The following ZSWIM4 variants were observed in gnomAD, a reference collection of about 807,000 sequenced individuals.
The protein encoded by ZSWIM4 is zinc finger SWIM-type containing 4, also known as zinc finger SWIM domain-containing protein 4.
In ZSWIM4, 62 loss-of-function variants were observed where a neutral mutation model predicts 102.5. The observed-to-expected ratio is 0.60, with a 90% CI of 0.49 to 0.75. ZSWIM4 has a LOEUF of 0.75. ZSWIM4 is among the 30% of genes least tolerant of loss of function. The pLI is 0.00. For missense variants in ZSWIM4, 1,280 were observed against 1,529.6 expected (o/e 0.84, Z 2.72); for synonymous variants, 652 against 674.5 (o/e 0.97, Z 0.52).
rs180750450 is a variant in ZSWIM4, at chr19:13,804,007, G to A, written c.356-785G>A. 4.5e-3 allele frequency among the ~76,000 whole-genome samples: 664 copies of A among 149,168 alleles called. 8 individuals carry two copies. Among genetic ancestry groups the A allele is most frequent in the African/African-American group, 0.016 (636 of 40,852 alleles). On this transcript the variant is annotated intron_variant, in intron 2 of 13. Coordinates refer to ENST00000590508, the MANE Select transcript of ZSWIM4 (RefSeq NM_001367834.3). ...CTCCTGAGTAGCTGGGATTACAGGC[G>A]CCCGCCACCATGCCCGGCTAATTTT... is the stretch of plus-strand genomic sequence containing the variant.
chr19:13,817,841 G>T lies in ZSWIM4; in HGVS notation c.1789G>T (p.Ala597Ser), dbSNP rs760685443. ...VALLGLGQQR[A>S]LPEGLYAQDK... The stretch of plus-strand genomic sequence containing the variant: ...ACTGCTGGGGCTGGGGCAGCAGCGG[G>T]CCCTGCCGGAGGGGCTGTACGCCCA... The change falls in exon 9 of 14, where the codon GCC (alanine) becomes TCC (serine). Residue 597 changes from alanine (A) to serine (S), a missense_variant. Ala to Ser is a moderately conservative substitution (Grantham distance 99). Coordinates refer to ENST00000590508, the MANE Select transcript of ZSWIM4 (RefSeq NM_001367834.3). 1.3e-5 allele frequency: 21 copies of T among 1,565,352 alleles called. No homozygotes were observed. Among genetic ancestry groups the T allele is most frequent in the Non-Finnish European group, 1.6e-5 (19 of 1,155,180 alleles).
At position 13,830,626 on chromosome 19, in the gene ZSWIM4, G is replaced by A. The variant is rs1333151218; in HGVS notation, c.2897G>A (p.Trp966Ter). Residue 966 changes from tryptophan (W) to a stop codon, truncating the protein, a stop_gained, in exon 14 of 14, where the codon TGG becomes TAG. Coordinates refer to ENST00000590508, the MANE Select transcript of ZSWIM4 (RefSeq NM_001367834.3). LOFTEE classifies it high-confidence loss of function. ...DSHPAVNDVL[W>*]ACSLSHSLGR... ...CACCCTGCCGTCAACGACGTGCTTT[G>A]GGCCTGCTCTCTCAGCCACTCCCTG... is the stretch of plus-strand genomic sequence containing the variant. 1 of 1,600,636 alleles carries A rather than the reference G, an allele frequency of 6.2e-7. No homozygotes were observed. Among genetic ancestry groups the A allele is most frequent in the Non-Finnish European group, 8.5e-7 (1 of 1,179,792 alleles).
chr19:13,814,954 C>A (rs1444766301), intron 7 of ZSWIM4, 89 bp downstream of exon 7: 4 of 752,846 alleles, frequency 5.3e-6, no homozygotes, highest in East Asian at 8.9e-5. Flanking sequence ...GCCAGGAGTT[C>A]AACATCAGCC....
chr19:13,818,046 G>A (rs533469504), intron 9 of ZSWIM4, 70 bp downstream of exon 9: 4 of 1,424,378 alleles, frequency 2.8e-6, no homozygotes, highest in East Asian at 2.6e-5. Context: ...GTAGCGGCCC[G>A]GTTGCTGCCA....
intron 2 of ZSWIM4, among the ~76,000 whole-genome samples, chr19:13,802,289 T>A (rs1974793864): frequency 6.7e-6 from 1 of 150,172 alleles, no homozygotes; most frequent in Non-Finnish European, 1.5e-5. Flanking sequence ...TTTTTTTTTT[T>A]AAGAGATAGA....
chr19:13,814,922 C>T lies in ZSWIM4; in HGVS notation c.1531+57C>T, dbSNP rs139868291. 1.4e-3 allele frequency: 1,472 copies of T among 1,073,144 alleles called. 18 individuals carry two copies. In the African/African-American group the frequency reaches 0.023, roughly 17 times the overall value. 66.5% of individuals were successfully genotyped at this position (1,073,144 alleles called of 1,614,324 possible). A position where few individuals can be genotyped will look rare whatever the true frequency, so the allele number is the denominator to read the frequency against. On this transcript the variant is annotated intron_variant, in intron 7 of 13. Transcript: ENST00000590508. ...CTGTGATCCCAGCACATTGGGAGTC[C>T]GAGGTGGGAGGATTGCTTGAGGCCA...
intron 6 of ZSWIM4, among the ~76,000 whole-genome samples, chr19:13,813,695 C>A (rs977094851): frequency 2.3e-4 from 35 of 151,786 alleles, no homozygotes; most frequent in African/African-American, 8.2e-4. Flanking sequence ...CTGAGGGGGG[C>A]AGATTGCTTG....
At chr19:13,798,095 G>C (rs1264980478) in intron 1 of ZSWIM4, among the ~76,000 whole-genome samples, 1 of 152,226 alleles carries the variant, frequency 6.6e-6, no homozygotes, top group African/African-American at 2.4e-5. Flanking sequence ...CATACATAAA[G>C]TGTTCAGCAT....
rs149880088 is a variant in ZSWIM4, at chr19:13,818,294, C to T, written c.1924+318C>T. 2.0e-4 allele frequency among the ~76,000 whole-genome samples: 30 copies of T among 152,308 alleles called. No individual in the cohort carries two copies. The East Asian group carries it at 5.2e-3, about 27-fold the overall frequency. ...CCCACCTTCATCCGCAACTTAGACA[C>T]CGCCCCTGTCCCGGCCTGCTCCTCA... On this transcript the variant is annotated intron_variant, in intron 9 of 13. Coordinates refer to ENST00000590508, the MANE Select transcript of ZSWIM4 (RefSeq NM_001367834.3).
intron 10 of ZSWIM4, 125 bp from the exon 11 acceptor site, chr19:13,823,221 C>A: frequency 1.1e-6 from 1 of 904,822 alleles, no homozygotes; most frequent in Non-Finnish European, 1.7e-6. Flanking sequence ...CATCTTCCAT[C>A]ATCTTGGGCT....
Position 13,799,766 on chromosome 19 carries a change from T to C in ZSWIM4, c.200T>C (p.Ile67Thr). The change falls in exon 2 of 14, where the codon ATC (isoleucine) becomes ACC (threonine). Residue 67 changes from isoleucine to threonine, a missense_variant. By Grantham distance (89) the Ile-to-Thr change is moderately conservative. Coordinates refer to ENST00000590508, the MANE Select transcript of ZSWIM4 (RefSeq NM_001367834.3). ...GTGCCTGAGCCCGTCCAGAAGCGCATCGTGTTTTGGTCGTTTCCACGCAGT... is the reference window on the plus strand; with the variant it reads ...GTGCCTGAGCCCGTCCAGAAGCGCACCGTGTTTTGGTCGTTTCCACGCAGT... Reference protein sequence around the residue: ...SRVPEPVQKRIVFWSFPRSER... With the variant: ...SRVPEPVQKRTVFWSFPRSER... The C allele has an allele frequency of 6.2e-7, 1 of 1,613,996 alleles. No homozygotes were observed. Among genetic ancestry groups the C allele is most frequent in the South Asian group, 1.1e-5 (1 of 91,086 alleles).
intron 6 of ZSWIM4, 49 bp from the exon 7 acceptor site, chr19:13,814,466 T>G: frequency 9.4e-7 from 1 of 1,060,218 alleles, no homozygotes; most frequent in Non-Finnish European, 1.2e-6. Context: ...ACGGCTCAAC[T>G]GCTATAGGGA....
intron 5 of ZSWIM4, among the ~76,000 whole-genome samples, chr19:13,811,115 G>C (rs1246494567): frequency 6.6e-6 from 1 of 151,426 alleles, no homozygotes; most frequent in African/African-American, 2.4e-5. Flanking sequence ...GGGTTTCACC[G>C]TGTTAGCCAG....
chr19:13,811,415 A>G (rs918609617), intron 5 of ZSWIM4, among the ~76,000 whole-genome samples: 2 of 151,138 alleles, frequency 1.3e-5, no homozygotes, highest in Non-Finnish European at 3.0e-5. Context: ...CTGTAATCCC[A>G]GCACTTTGCG....
Position 13,825,404 on chromosome 19 carries a change from T to G in ZSWIM4, c.2216-146T>G. 2 of 991,766 alleles carry G rather than the reference T, an allele frequency of 2.0e-6. No homozygotes were observed. Among genetic ancestry groups the G allele is most frequent in the Non-Finnish European group, 1.5e-6 (1 of 678,064 alleles). The allele number at this position is 991,766 out of a possible 1,614,324, so 61.4% of individuals were successfully genotyped here. A position where few individuals can be genotyped will look rare whatever the true frequency, so the allele number is the denominator to read the frequency against. On this transcript the variant is annotated intron_variant, in intron 11 of 13. Coordinates refer to ENST00000590508, the MANE Select transcript of ZSWIM4 (RefSeq NM_001367834.3). The surrounding 1 kb of genome is among the most constrained non-coding windows in gnomAD (Gnocchi z 4.6). Reference sequence around the variant, plus strand: ...GGCTAGGGGCACTGAGGTCTGAATCTTCACAGAACCATGGCCCAGTACACA... The same window carrying G: ...GGCTAGGGGCACTGAGGTCTGAATCGTCACAGAACCATGGCCCAGTACACA...
chr19:13,822,116 C>G (rs945619463), intron 10 of ZSWIM4, among the ~76,000 whole-genome samples: 2 of 151,750 alleles, frequency 1.3e-5, no homozygotes, highest in Non-Finnish European at 2.9e-5. Context: ...TCAAGCGACC[C>G]TCTCGCCTTG....
intron 1 of ZSWIM4, among the ~76,000 whole-genome samples, chr19:13,796,221 G>A (rs1974609383): frequency 7.8e-6 from 1 of 127,680 alleles, no homozygotes; most frequent in African/African-American, 3.1e-5. Flanking sequence ...ATCCCCCAAC[G>A]GTACCCCTCT....
At chr19:13,810,143 C>CA (rs1975037588) in intron 5 of ZSWIM4, among the ~76,000 whole-genome samples, 1 of 150,882 alleles carries the variant, frequency 6.6e-6, no homozygotes, top group African/African-American at 2.4e-5. Context: ...TACAGGCACC[C>CA]GCCACTAAGT....
chr19:13,802,488 G>A (rs893897397), intron 2 of ZSWIM4, among the ~76,000 whole-genome samples: 2 of 151,590 alleles, frequency 1.3e-5, no homozygotes, highest in South Asian at 2.1e-4. Context: ...GCTGAGGCAG[G>A]AGAATCAGTT....
Sources: allele counts gnomAD v4.1 joint callset (sites outside exome capture counted in the v4.1 genomes callset), GRCh38; gene constraint gnomAD v4.1.1; non-coding constraint Gnocchi (gnomAD v3.1); transcripts MANE v1.5; gene names NCBI Gene and HGNC (gene_info 2026-07-23, HGNC 2026-07-21).